MYO1C: variants seen among roughly 807,000 people sequenced by gnomAD.
MYO1C encodes unconventional myosin-Ic.
MYO1C carries 104 observed loss-of-function variants against 150.8 expected under a neutral mutation model. That is an observed-to-expected ratio of 0.69 (90% CI 0.59 to 0.81). MYO1C has a LOEUF of 0.81. Among genes scored for constraint, MYO1C ranks in the 30% least tolerant of loss-of-function variants. The probability of loss-of-function intolerance (pLI) is 0.00; values close to 1 mark genes in which losing one functional copy is unlikely to be tolerated. For synonymous variants in MYO1C, 663 were observed against 579.9 expected (o/e 1.14, Z -2.06); for missense variants, 1,504 against 1,435.0 (o/e 1.05, Z -0.78).
At chr17:1,481,355 C>A (rs989647032) in intron 5 of MYO1C, 2 of 210,056 alleles carry the variant, frequency 9.5e-6, no homozygotes, top group African/African-American at 4.6e-5. Context: ...CTGCTCGCCA[C>A]TTCCACTGCA....
chr17:1,478,604 C>G lies in MYO1C; in HGVS notation c.1212+12G>C. 6.2e-7 allele frequency: 1 copy of G among 1,614,034 alleles called. No homozygotes were observed. On this transcript the variant is annotated intron_variant, in intron 10 of 31. Transcript: ENST00000648651. This position sits in a 1 kb window ranked among gnomAD's most constrained non-coding sequence, Gnocchi z 6.3. Reference sequence around the variant, plus strand: ...CCTTCTGCCTTGGGAGCAGTGTGGACCGAGCCCTCACCTTGGAGGCCAGCG... The same window carrying G: ...CCTTCTGCCTTGGGAGCAGTGTGGAGCGAGCCCTCACCTTGGAGGCCAGCG...
At chr17:1,467,080 G>A (rs548449911) in intron 31 of MYO1C, among the ~76,000 whole-genome samples, 162 bp downstream of exon 31, 1 of 152,310 alleles carries the variant, frequency 6.6e-6, no homozygotes, top group East Asian at 1.9e-4. Flanking sequence ...CTGCACTGAG[G>A]GGCTCTCTCT....
chr17:1,470,279 A>G lies in MYO1C; in HGVS notation c.2422T>C (p.Phe808Leu), dbSNP rs750057304. 17 of 1,592,694 alleles carry G rather than the reference A, an allele frequency of 1.1e-5. No individual in the cohort carries two copies. The highest frequency in any genetic ancestry group is 1.5e-5 in the Non-Finnish European group (17 of 1,170,846). The change falls in exon 24 of 32, where the codon TTC (phenylalanine) becomes CTC (leucine). Residue 808 changes from phenylalanine (F) to leucine (L), a missense_variant. By Grantham distance (22) the Phe-to-Leu change is conservative. Coordinates refer to ENST00000648651, the MANE Select transcript of MYO1C (RefSeq NM_001080779.2). ...HAPRCPENAF[F>L]LDHVRTSFLL... ...AAAGAGGTGCGCACATGGTCCAGGA[A>G]GAAGGCGTTCTCGGGGCAGCGGGGG...
At position 1,471,210 on chromosome 17, in the gene MYO1C, G is replaced by C; in HGVS notation, c.2135+13C>G. The C allele has an allele frequency of 6.2e-7, 1 of 1,613,804 alleles. No individual in the cohort carries two copies. Among genetic ancestry groups the C allele is most frequent in the Non-Finnish European group, 8.5e-7 (1 of 1,179,874 alleles). On this transcript the variant is annotated intron_variant, in intron 20 of 31. Coordinates refer to ENST00000648651, the MANE Select transcript of MYO1C (RefSeq NM_001080779.2). ...CCCATTCCCCGCAGGCACCCGGCAC[G>C]GACACTACCCACCTGCCCATCTTGT...
At chr17:1,477,373 G>T in intron 14 of MYO1C, 132 bp downstream of exon 14, 1 of 788,960 alleles carries the variant, frequency 1.3e-6, no homozygotes, top group Admixed American at 2.0e-5. Context: ...ACATGTGAGG[G>T]GTCCTTAACT....
chr17:1,467,148 G>A lies in MYO1C; in HGVS notation c.3165+94C>T, dbSNP rs905879804. The A allele has an allele frequency of 4.3e-6, 5 of 1,175,452 alleles. No homozygotes were observed. The African/African-American group carries it at 6.1e-5, about 14-fold the overall frequency. 72.8% of individuals were successfully genotyped at this position (1,175,452 alleles called of 1,614,324 possible). A position where few individuals can be genotyped will look rare whatever the true frequency, so the allele number is the denominator to read the frequency against. On this transcript the variant is annotated intron_variant, in intron 31 of 31. Coordinates refer to ENST00000648651, the MANE Select transcript of MYO1C (RefSeq NM_001080779.2). Reference sequence around the variant, plus strand: ...GTGGTATGATGGCCTCTGGATGAAGGCCCATGGTGAGGTGCCTGGGCTCTG... The same window carrying A: ...GTGGTATGATGGCCTCTGGATGAAGACCCATGGTGAGGTGCCTGGGCTCTG...
At chr17:1,471,519 G>A (rs1415817185) in intron 19 of MYO1C, among the ~76,000 whole-genome samples, 183 bp from the exon 20 acceptor site, 3 of 152,134 alleles carry the variant, frequency 2.0e-5, no homozygotes, top group Non-Finnish European at 2.9e-5. Context: ...CTAAGGCCAA[G>A]TAACTAGAAA....
In MYO1C at chr17:1,482,499, C is replaced by T; in HGVS notation, c.606G>A (p.Met202Ile). Residue 202 changes from methionine (M) to isoleucine (I), a missense_variant, in exon 5 of 32, where the codon ATG (methionine) becomes ATA (isoleucine). Physicochemically the swap from Met to Ile is conservative, Grantham distance 10. Transcript: ENST00000648651. ...NDNSSRFGKY[M>I]DVQFDFKGAP... Reference sequence around the variant, plus strand: ...GTACCTTGAAGTCAAACTGCACATCCATGTACTTCCCGAACCTGCTGGAGT... The same window carrying T: ...GTACCTTGAAGTCAAACTGCACATCTATGTACTTCCCGAACCTGCTGGAGT... 2.5e-6 allele frequency: 4 copies of T among 1,614,064 alleles called. No homozygotes were observed. Among genetic ancestry groups the T allele is most frequent in the South Asian group, 1.1e-5 (1 of 91,084 alleles).
At chr17:1,476,159 C>G (rs1482206464) in intron 14 of MYO1C, among the ~76,000 whole-genome samples, 5 of 151,866 alleles carry the variant, frequency 3.3e-5, no homozygotes, top group South Asian at 2.1e-4. Flanking sequence ...CGAATAGATT[C>G]AGAGAGACTC....
chr17:1,478,813 C>G lies in MYO1C; in HGVS notation c.1093-78G>C, dbSNP rs2074454301. 2 of 1,597,010 alleles carry G rather than the reference C, an allele frequency of 1.3e-6. No individual in the cohort carries two copies. Among genetic ancestry groups the G allele is most frequent in the South Asian group, 1.1e-5 (1 of 90,304 alleles). ...CACCTGCTCCCAGGCTCAGGCAGAC[C>G]AGGAAGCCGCCACCACTCTGCACTC... On this transcript the variant is annotated intron_variant, in intron 9 of 31. Coordinates refer to ENST00000648651, the MANE Select transcript of MYO1C (RefSeq NM_001080779.2). The surrounding 1 kb of genome is among the most constrained non-coding windows in gnomAD (Gnocchi z 6.3).
rs752504053 is a variant in MYO1C at position 1,480,897 on chromosome 17, G to A, written c.628-12C>T. On this transcript the variant is annotated splice_polypyrimidine_tract_variant and intron_variant, in intron 5 of 31. Coordinates refer to ENST00000648651, the MANE Select transcript of MYO1C (RefSeq NM_001080779.2). ...CCCACGGGGGCACCCTGTGGGCAGG[G>A]CAGGGCATGAGGCCGGGTCACGGGG... 1.1e-5 allele frequency: 17 copies of A among 1,613,282 alleles called. No individual in the cohort carries two copies. In the East Asian group the frequency reaches 3.1e-4, roughly 30 times the overall value.
rs1484518489 is a variant in MYO1C at position 1,492,610 on chromosome 17, T to G, written c.-123A>C. 1.8e-5 allele frequency: 16 copies of G among 879,146 alleles called. No homozygotes were observed. Among genetic ancestry groups the G allele is most frequent in the Non-Finnish European group, 2.9e-5 (16 of 544,966 alleles). 54.5% of individuals were successfully genotyped at this position (879,146 alleles called of 1,614,324 possible). ...ACGGTCTAACGCCGGGATGGCCACT[T>G]GGTTCTGCTTCAACTGCAGCCCCAG... On this transcript the variant is annotated 5_prime_UTR_variant, in exon 1 of 32. Transcript: ENST00000648651.
chr17:1,475,470 G>T (rs569551340), intron 14 of MYO1C, among the ~76,000 whole-genome samples: 2 of 152,272 alleles, frequency 1.3e-5, no homozygotes, highest in South Asian at 4.1e-4. Flanking sequence ...TGATCAGAGC[G>T]GACCATGGAG....
At chr17:1,469,090 C>T (rs989984735) in intron 25 of MYO1C, 12 of 312,790 alleles carry the variant, frequency 3.8e-5, no homozygotes, top group African/African-American at 1.9e-4. Context: ...CTGAGGTCAC[C>T]GGTAGACCGG....
At position 1,492,638 on chromosome 17, in the gene MYO1C, G is replaced by C. The variant is rs1205609713; in HGVS notation, c.-151C>G. On this transcript the variant is annotated 5_prime_UTR_variant, in exon 1 of 32. The change creates a new upstream start codon in the 5' untranslated region. Coordinates refer to ENST00000648651, the MANE Select transcript of MYO1C (RefSeq NM_001080779.2). ...TTCTGCTTCAACTGCAGCCCCAGGG[G>C]ATGTGGCTGGTCCAGCTCCTCAGGA... 3 of 730,742 alleles carry C rather than the reference G, an allele frequency of 4.1e-6. No individual in the cohort carries two copies. In the African/African-American group the frequency reaches 5.2e-5, roughly 13 times the overall value. The allele number at this position is 730,742 out of a possible 1,614,324, so 45.3% of individuals were successfully genotyped here.
chr17:1,469,368 A>T (rs1384930234), intron 25 of MYO1C, 163 bp downstream of exon 25: 1 of 690,798 alleles, frequency 1.4e-6, no homozygotes, highest in African/African-American at 1.7e-5. Context: ...ACTGGGGTAA[A>T]TAGAGTAGAC....
chr17:1,474,728 G>A, intron 16 of MYO1C, 38 bp from the exon 17 acceptor site: 1 of 1,613,202 alleles, frequency 6.2e-7, no homozygotes, highest in Non-Finnish European at 8.5e-7. Flanking sequence ...GGGGCACAGG[G>A]ACAGGCAGGA....
intron 5 of MYO1C, among the ~76,000 whole-genome samples, chr17:1,481,542 C>T (rs1410462855): frequency 2.0e-5 from 3 of 151,982 alleles, no homozygotes; most frequent in African/African-American, 7.3e-5. Flanking sequence ...TTGCTTTCAC[C>T]CAGGCTGGAG....
chr17:1,474,774 T>TCCCCCCCCCCCCCCCCGCCCCCCCGCCG, intron 16 of MYO1C, 38 bp downstream of exon 16: 1 of 1,597,380 alleles, frequency 6.3e-7, no homozygotes, highest in Non-Finnish European at 8.6e-7. Flanking sequence ...CTGTGGGCTA[T>TCCCCCCCCCCCCCCCCGCCCCCCCGCCG]CCCCACCCCC....
Sources: allele counts gnomAD v4.1 joint callset (sites outside exome capture counted in the v4.1 genomes callset), GRCh38; gene constraint gnomAD v4.1.1; non-coding constraint Gnocchi (gnomAD v3.1); transcripts MANE v1.5; gene names NCBI Gene and HGNC (gene_info 2026-07-23, HGNC 2026-07-21).